SPATA17: variants seen among roughly 807,000 people sequenced by gnomAD.
SPATA17 encodes the protein spermatogenesis associated 17.
Under a neutral mutation model 62.2 loss-of-function variants are expected in SPATA17, and 53 were observed. That is an observed-to-expected ratio of 0.85 (90% CI 0.68 to 1.07). SPATA17 has a LOEUF of 1.07. Among genes scored for constraint, SPATA17 ranks in the 50% least tolerant of loss-of-function variants. The pLI is 0.00. For missense variants in SPATA17, 466 were observed against 425.5 expected (o/e 1.10, Z -0.84); for synonymous variants, 146 against 146.8 (o/e 0.99, Z 0.04).
intron 6 of SPATA17, 63 bp from the exon 7 acceptor site, chr1:217,774,271 A>T (rs993364422): frequency 1.4e-6 from 2 of 1,418,792 alleles, no homozygotes; most frequent in African/African-American, 2.9e-5. Context: ...TCATGGTACA[A>T]CTCTTTCCTT....
At chr1:217,689,983 A>G (rs1416827435) in intron 5 of SPATA17, among the ~76,000 whole-genome samples, 1 of 151,458 alleles carries the variant, frequency 6.6e-6, no homozygotes, top group Non-Finnish European at 1.5e-5. Flanking sequence ...CGCTCACTGC[A>G]ATCTCCGCCT....
At chr1:217,820,046 C>T (rs1674821183) in intron 9 of SPATA17, among the ~76,000 whole-genome samples, 1 of 151,994 alleles carries the variant, frequency 6.6e-6, no homozygotes, top group Non-Finnish European at 1.5e-5. Flanking sequence ...AAGTGCTAAA[C>T]ACCTGTGATT....
intron 5 of SPATA17, among the ~76,000 whole-genome samples, chr1:217,684,927 C>T (rs1204352962): frequency 6.6e-6 from 1 of 152,018 alleles, no homozygotes; most frequent in Admixed American, 6.6e-5. Flanking sequence ...AATTTGATTT[C>T]TTTAGAAAGA....
At chr1:217,727,259 T>A (rs866946700) in intron 5 of SPATA17, among the ~76,000 whole-genome samples, 1 of 146,270 alleles carries the variant, frequency 6.8e-6, no homozygotes, top group Non-Finnish European at 1.5e-5. Flanking sequence ...ATAATAATAA[T>A]AATAATAATA....
rs571430912 is a variant in SPATA17, at chr1:217,643,179, T to C, written c.69-5703T>C. The stretch of plus-strand genomic sequence containing the variant: ...CACAATACGTTCATTCTAGTTTTTT[T>C]CTCTTACCTTTTCTGACAGAGAGAA... On this transcript the variant is annotated intron_variant, in intron 1 of 10. Transcript: ENST00000366933. Among the ~76,000 whole-genome samples the C allele has an allele frequency of 5.3e-5, 8 of 151,844 alleles. No individual in the cohort carries two copies. The East Asian group carries it at 1.5e-3, about 29-fold the overall frequency.
chr1:217,819,728 A>G (rs932563703), intron 9 of SPATA17, among the ~76,000 whole-genome samples: 2 of 151,968 alleles, frequency 1.3e-5, no homozygotes, highest in Non-Finnish European at 2.9e-5. Context: ...TGAGATTTCT[A>G]TTCTTTATTT....
chr1:217,732,845 T>C (rs967427580), intron 5 of SPATA17, among the ~76,000 whole-genome samples: 2 of 152,194 alleles, frequency 1.3e-5, no homozygotes, highest in Non-Finnish European at 2.9e-5. Flanking sequence ...TGTAGTTATG[T>C]CATTATTAAT....
At chr1:217,682,364 CA>C (rs528838455) in intron 4 of SPATA17, among the ~76,000 whole-genome samples, 7,505 of 122,166 alleles carry the variant, frequency 0.061, 224 homozygotes, top group Middle Eastern at 0.14. Context: ...TCCTCTCATC[CA>C]AAAAAAAAAA....
intron 5 of SPATA17, among the ~76,000 whole-genome samples, chr1:217,703,173 C>CATTTTTTTTTTTT (rs1558572175): frequency 4.0e-5 from 4 of 101,246 alleles, no homozygotes; most frequent in African/African-American, 1.7e-4. Context: ...TTGCGCTCGG[C>CATTTTTTTTTTTT]CTTTTTTTTT....
chr1:217,762,929 G>C (rs1458525011), intron 6 of SPATA17, among the ~76,000 whole-genome samples: 3 of 152,082 alleles, frequency 2.0e-5, no homozygotes, highest in Non-Finnish European at 4.4e-5. Flanking sequence ...ATTCCATCTT[G>C]GGTGACAGAG....
At position 217,774,418 on chromosome 1, in the gene SPATA17, C is replaced by G. The variant is rs750742130; in HGVS notation, c.604C>G (p.Arg202Gly). Residue 202 changes from arginine (R) to glycine (G), a missense_variant, in exon 7 of 11, where the codon CGA (arginine) becomes GGA (glycine). By Grantham distance (125) the Arg-to-Gly change is moderately radical (BLOSUM62 -2). Transcript: ENST00000366933. Reference sequence around the variant, plus strand: ...ACAGAAGGCAAAGCCTTTAACACACCGAAGACCTAAAGTTAAGCAGAAGGA... The same window carrying G: ...ACAGAAGGCAAAGCCTTTAACACACGGAAGACCTAAAGTTAAGCAGAAGGA... Reference protein sequence around the residue: ...QLQKAKPLTHRRPKVKQKDST... With the variant: ...QLQKAKPLTHGRPKVKQKDST... 6.2e-7 allele frequency: 1 copy of G among 1,614,018 alleles called. No individual in the cohort carries two copies. The highest frequency in any genetic ancestry group is 2.2e-5 in the East Asian group (1 of 44,860).
intron 5 of SPATA17, among the ~76,000 whole-genome samples, chr1:217,701,172 A>G (rs994493499): frequency 6.6e-6 from 1 of 151,086 alleles, no homozygotes; most frequent in African/African-American, 2.4e-5. Context: ...ATGGGGTTTC[A>G]CCATGTTGGC....
intron 6 of SPATA17, among the ~76,000 whole-genome samples, chr1:217,772,341 C>T (rs1171696363): frequency 1.3e-5 from 2 of 151,934 alleles, no homozygotes; most frequent in Non-Finnish European, 2.9e-5. Flanking sequence ...TTTCTTGTAT[C>T]AATTGTAATA....
intron 9 of SPATA17, among the ~76,000 whole-genome samples, chr1:217,806,271 A>G (rs1674433748): frequency 6.6e-6 from 1 of 152,178 alleles, no homozygotes; most frequent in South Asian, 2.1e-4. Flanking sequence ...GGTGAGGTAG[A>G]GTCTCTCTGC....
At chr1:217,847,500 T>C (rs551107452) in intron 9 of SPATA17, among the ~76,000 whole-genome samples, 1 of 152,222 alleles carries the variant, frequency 6.6e-6, no homozygotes, top group East Asian at 1.9e-4. Context: ...TTGGTTGAAA[T>C]ATAGACATTA....
At chr1:217,719,164 C>A (rs1042415277) in intron 5 of SPATA17, among the ~76,000 whole-genome samples, 1 of 152,200 alleles carries the variant, frequency 6.6e-6, no homozygotes, top group African/African-American at 2.4e-5. Context: ...GCAGTGGCCA[C>A]CTCATATGTG....
intron 9 of SPATA17, chr1:217,850,372 C>A (rs926743743): frequency 1.1e-6 from 1 of 872,404 alleles, no homozygotes; most frequent in African/African-American, 1.7e-5. Context: ...AATGCCATCA[C>A]TGAGCACTGC....
intron 9 of SPATA17, among the ~76,000 whole-genome samples, chr1:217,810,413 G>A (rs998283324): frequency 3.3e-5 from 5 of 152,214 alleles, no homozygotes; most frequent in Middle Eastern, 6.8e-3. Context: ...CACAGAGTCA[G>A]GAGTTCGAGA....
At chr1:217,673,633 G>T (rs1396705115) in intron 4 of SPATA17, among the ~76,000 whole-genome samples, 1 of 152,022 alleles carries the variant, frequency 6.6e-6, no homozygotes, top group African/African-American at 2.4e-5. Flanking sequence ...CTCTCCCTCT[G>T]CCATCTAGAT....
Sources: gnomAD v4.1 joint callset for allele counts (sites outside exome capture counted in the v4.1 genomes callset) on GRCh38, gnomAD v4.1.1 for gene constraint, MANE v1.5 for transcripts, NCBI Gene and HGNC (gene_info 2026-07-23, HGNC 2026-07-21) for gene names.